Variants in SLC66A2 observed in about 807,000 individuals in gnomAD.
SLC66A2 encodes solute carrier family 66 member 2.
In SLC66A2, 23 loss-of-function variants were observed where a neutral mutation model predicts 25.5. The ratio of observed to expected loss-of-function variants is 0.90; its 90% CI spans 0.65 to 1.28. The LOEUF is 1.28. Ranked by LOEUF, SLC66A2 falls within the 50% of genes most tolerant of loss-of-function variation. The pLI is 0.00. For missense variants in SLC66A2, 396 were observed against 373.1 expected (o/e 1.06, Z -0.51); for synonymous variants, 193 against 166.5 (o/e 1.16, Z -1.23).
Position 79,917,922 on chromosome 18 carries a change from C to T in SLC66A2, c.608+1262G>A, listed in dbSNP as rs528583659. ...CCACACCTCTACCTACAGCCCACAC[C>T]GGAACTCCATACCCCACACCCCAGC... On this transcript the variant is annotated intron_variant, in intron 5 of 5. Transcript: ENST00000397778. The surrounding 1 kb of genome is among the most constrained non-coding windows in gnomAD (Gnocchi z 6.0). Among the ~76,000 whole-genome samples, 5 of 151,838 alleles carry T rather than the reference C, an allele frequency of 3.3e-5. No individual in the cohort carries two copies. The East Asian group carries it at 7.7e-4, about 23-fold the overall frequency.
In SLC66A2 at chr18:79,919,344, C is replaced by T. The variant is rs369594354; in HGVS notation, c.448G>A (p.Val150Ile). 2.5e-5 allele frequency: 41 copies of T among 1,613,286 alleles called. No individual in the cohort carries two copies. Among genetic ancestry groups the T allele is most frequent in the South Asian group, 9.9e-5 (9 of 91,086 alleles). The change falls in exon 5 of 6, where the codon GTC becomes ATC. Residue 150 changes from valine (V) to isoleucine (I), a missense_variant. By Grantham distance (29) the Val-to-Ile change is conservative (BLOSUM62 3). Transcript: ENST00000397778. Reference sequence around the variant, plus strand: ...CCCGCCACGCCCGTGAAGGCCAGGACGCACTGCACGTAGTCCGAGAAGCTG... The same window carrying T: ...CCCGCCACGCCCGTGAAGGCCAGGATGCACTGCACGTAGTCCGAGAAGCTG... ...WSSFSDYVQC[V>I]LAFTGVAGYI...
chr18:79,951,051 G>A (rs2051105478), intron 1 of SLC66A2, 26 bp from the exon 2 acceptor site: 1 of 662,528 alleles, frequency 1.5e-6, no homozygotes, highest in African/African-American at 1.9e-5. Flanking sequence ...AGCTGCTCGA[G>A]TTCCGCCCAG....
chr18:79,932,706 A>G (rs1477372066), intron 4 of SLC66A2, among the ~76,000 whole-genome samples: 1 of 152,196 alleles, frequency 6.6e-6, no homozygotes, highest in Non-Finnish European at 1.5e-5. Context: ...AACAAATTAG[A>G]TAACTTGGGT....
At chr18:79,906,069 A>G (rs1982086036) in intron 5 of SLC66A2, among the ~76,000 whole-genome samples, 1 of 152,210 alleles carries the variant, frequency 6.6e-6, no homozygotes, top group Non-Finnish European at 1.5e-5. Context: ...GAGGTTGTTC[A>G]TTGTACTCTT....
In SLC66A2 at chr18:79,937,985, C is replaced by T. The variant is rs946386974; in HGVS notation, c.338-3963G>A. Among the ~76,000 whole-genome samples the T allele has an allele frequency of 6.6e-6, 1 of 152,026 alleles. No individual in the cohort carries two copies. The highest frequency in any genetic ancestry group is 1.5e-5 in the Non-Finnish European group (1 of 67,982). On this transcript the variant is annotated intron_variant, in intron 3 of 5. Coordinates refer to ENST00000397778, the MANE Select transcript of SLC66A2 (RefSeq NM_025078.5). This position sits in a 1 kb window ranked among gnomAD's most constrained non-coding sequence, Gnocchi z 5.4. ...CCCACGGATTTTTAAACAACAAAAT[C>T]GTATATACTGCCAGACACAGGGGCT...
At chr18:79,929,285 C>T (rs1358380598) in intron 4 of SLC66A2, among the ~76,000 whole-genome samples, 1 of 152,168 alleles carries the variant, frequency 6.6e-6, no homozygotes, top group Non-Finnish European at 1.5e-5. Context: ...CAGCCAGCAG[C>T]CATCAATGAG....
intron 5 of SLC66A2, among the ~76,000 whole-genome samples, chr18:79,907,257 CT>C (rs551857178): frequency 5.6e-4 from 80 of 142,048 alleles, no homozygotes; most frequent in African/African-American, 2.1e-3. Context: ...TTCCTGCCTT[CT>C]TTTAGATTAT....
Position 79,919,173 on chromosome 18 carries a change from C to G in SLC66A2, c.608+11G>C. 1 of 1,611,496 alleles carries G rather than the reference C, an allele frequency of 6.2e-7. No individual in the cohort carries two copies. Among genetic ancestry groups the G allele is most frequent in the Non-Finnish European group, 8.5e-7 (1 of 1,178,856 alleles). On this transcript the variant is annotated intron_variant, in intron 5 of 5. Transcript: ENST00000397778. The stretch of plus-strand genomic sequence containing the variant: ...AGCAGTGGTGCTTCCGTGGCGGCAT[C>G]CCCGGCCTACCTCATGCCCTCCGTG...
intron 2 of SLC66A2, 70 bp from the exon 3 acceptor site, chr18:79,943,532 G>C (rs571544835): frequency 6.4e-7 from 1 of 1,560,684 alleles, no homozygotes; most frequent in Non-Finnish European, 8.7e-7. Context: ...AACCTGCAGC[G>C]GGAGAGACCC....
chr18:79,938,983 G>A (rs1599635795), intron 3 of SLC66A2, among the ~76,000 whole-genome samples: 1 of 152,220 alleles, frequency 6.6e-6, no homozygotes, highest in Non-Finnish European at 1.5e-5. Context: ...GCCAGAAGCT[G>A]TTTTACTTTA....
At chr18:79,913,508 CGTA>C (rs1185853357) in intron 5 of SLC66A2, among the ~76,000 whole-genome samples, 1 of 152,230 alleles carries the variant, frequency 6.6e-6, no homozygotes, top group Non-Finnish European at 1.5e-5. Flanking sequence ...ACTACAACCA[CGTA>C]GTATTTTCTA....
intron 3 of SLC66A2, among the ~76,000 whole-genome samples, chr18:79,939,978 A>G (rs1987503663): frequency 6.6e-6 from 1 of 152,234 alleles, no homozygotes. Context: ...ATGCCCATCA[A>G]TGAAAATCAT....
rs969012060 is a variant in SLC66A2 at position 79,919,128 on chromosome 18, C to T, written c.608+56G>A. 29 of 1,472,500 alleles carry T rather than the reference C, an allele frequency of 2.0e-5. No individual in the cohort carries two copies. In the African/African-American group the frequency reaches 3.6e-4, roughly 18 times the overall value. 91.2% of individuals were successfully genotyped at this position (1,472,500 alleles called of 1,614,324 possible). On this transcript the variant is annotated intron_variant, in intron 5 of 5. Coordinates refer to ENST00000397778, the MANE Select transcript of SLC66A2 (RefSeq NM_025078.5). Reference sequence around the variant, plus strand: ...AGGCGTTTGATTTTTACCAAATCTGCAGCCATGTGGTGCCTCTGGAGCAGT... The same window carrying T: ...AGGCGTTTGATTTTTACCAAATCTGTAGCCATGTGGTGCCTCTGGAGCAGT...
intron 3 of SLC66A2, 83 bp downstream of exon 3, chr18:79,943,246 A>G: frequency 6.5e-7 from 1 of 1,533,510 alleles, no homozygotes; most frequent in Non-Finnish European, 8.9e-7. Context: ...TTGGATCAGG[A>G]CAGATTAGAG....
chr18:79,930,273 A>T (rs1231351721), intron 4 of SLC66A2: 1 of 152,202 alleles, frequency 6.6e-6, no homozygotes, highest in Non-Finnish European at 1.5e-5. Context: ...ATCAGAAACA[A>T]TGGAGTCCAG....
rs538500211 is a variant in SLC66A2 at position 79,909,009 on chromosome 18, C to T, written c.609-4826G>A. On this transcript the variant is annotated intron_variant, in intron 5 of 5. Coordinates refer to ENST00000397778, the MANE Select transcript of SLC66A2 (RefSeq NM_025078.5). ...TTCTATTGACTGTCATTTCCGTTGGCAGCTGAGAAACTCAACTCTTCATAC... is the reference window on the plus strand; with the variant it reads ...TTCTATTGACTGTCATTTCCGTTGGTAGCTGAGAAACTCAACTCTTCATAC... 3.8e-4 allele frequency among the ~76,000 whole-genome samples: 58 copies of T among 152,306 alleles called. 1 individual carries two copies. In the South Asian group the frequency reaches 0.012, roughly 31 times the overall value.
chr18:79,917,413 C>T lies in SLC66A2; in HGVS notation c.608+1771G>A, dbSNP rs563659812. Among the ~76,000 whole-genome samples the T allele has an allele frequency of 5.3e-5, 8 of 152,302 alleles. No homozygotes were observed. The South Asian group carries it at 8.3e-4, about 16-fold the overall frequency. ...GAGGCCGGCATGTGGGGTCCGGATCCGCTAGACCCTCACCACGAGGCTGTG... is the reference window on the plus strand; with the variant it reads ...GAGGCCGGCATGTGGGGTCCGGATCTGCTAGACCCTCACCACGAGGCTGTG... On this transcript the variant is annotated intron_variant, in intron 5 of 5. Transcript: ENST00000397778. The surrounding 1 kb of genome is among the most constrained non-coding windows in gnomAD (Gnocchi z 6.0).
intron 4 of SLC66A2, among the ~76,000 whole-genome samples, chr18:79,925,216 C>T (rs1985795539): frequency 6.6e-6 from 1 of 152,142 alleles, no homozygotes; most frequent in Non-Finnish European, 1.5e-5. Flanking sequence ...GGGCACCCCC[C>T]TTTCCAAAGC....
At chr18:79,938,968 G>A (rs115506111) in intron 3 of SLC66A2, among the ~76,000 whole-genome samples, 4,153 of 152,334 alleles carry the variant, frequency 0.027, 191 homozygotes, top group African/African-American at 0.087. Flanking sequence ...GAGCCGCTGC[G>A]ACCGGCCAGA....
Sources: allele counts gnomAD v4.1 joint callset (sites outside exome capture counted in the v4.1 genomes callset), GRCh38; gene constraint gnomAD v4.1.1; non-coding constraint Gnocchi (gnomAD v3.1); transcripts MANE v1.5; gene names NCBI Gene and HGNC (gene_info 2026-07-23, HGNC 2026-07-21).